CSRP2: variants seen among roughly 807,000 people sequenced by gnomAD.
CSRP2 encodes the protein cysteine and glycine rich protein 2, also known as cysteine and glycine-rich protein 2.
Under a neutral mutation model 24.6 loss-of-function variants are expected in CSRP2, and 18 were observed. The ratio of observed to expected loss-of-function variants is 0.73; its 90% CI spans 0.51 to 1.09. CSRP2 has a LOEUF of 1.09. Among genes scored for constraint, CSRP2 ranks in the 50% least tolerant of loss-of-function variants. CSRP2 has a pLI of 0.00. For missense variants in CSRP2, 215 were observed against 239.4 expected (o/e 0.90, Z 0.67); for synonymous variants, 87 against 84.3 (o/e 1.03, Z -0.18).
intron 1 of CSRP2, among the ~76,000 whole-genome samples, chr12:76,868,424 T>G (rs960237807): frequency 4.0e-5 from 6 of 151,642 alleles, no homozygotes; most frequent in African/African-American, 7.3e-5. Context: ...TCTCACAAGA[T>G]CTGATGGTTT....
intron 4 of CSRP2, 144 bp from the exon 5 acceptor site, chr12:76,859,784 C>G (rs1953657282): frequency 1.6e-6 from 1 of 615,752 alleles, no homozygotes. Flanking sequence ...AAGGCTGAAA[C>G]CAGTCCTCAG....
intron 1 of CSRP2, among the ~76,000 whole-genome samples, chr12:76,873,932 G>T (rs570441135): frequency 6.6e-6 from 1 of 152,152 alleles, no homozygotes; most frequent in African/African-American, 2.4e-5. Flanking sequence ...TGTTTATGAA[G>T]CTCTCATATA....
intron 1 of CSRP2, among the ~76,000 whole-genome samples, chr12:76,877,962 C>A (rs1400669995): frequency 8.9e-6 from 1 of 112,834 alleles, no homozygotes; most frequent in Non-Finnish European, 1.9e-5. Flanking sequence ...TGCCCCCGCC[C>A]CACCCCCCCA....
intron 1 of CSRP2, among the ~76,000 whole-genome samples, chr12:76,871,506 C>G (rs191565390): frequency 6.6e-6 from 1 of 152,178 alleles, no homozygotes; most frequent in Non-Finnish European, 1.5e-5. Context: ...TGCGGTGGCT[C>G]ACGCCTGTAA....
chr12:76,874,495 TAAAGTACCTGGCAAAGA>T lies in CSRP2; in HGVS notation c.-2+4426_-2+4442del, dbSNP rs141941119. ...TAAAGATTTAATGAGATAAAGTTTG[TAAAGTACCTGGCAAAGA>T]GCCTGTACTCCACAAATGGGCGGGC... On this transcript the variant is annotated intron_variant, in intron 1 of 5. Coordinates refer to ENST00000311083, the MANE Select transcript of CSRP2 (RefSeq NM_001321.3). Among the ~76,000 whole-genome samples, 546 of 152,334 alleles carry T rather than the reference TAAAGTACCTGGCAAAGA, an allele frequency of 3.6e-3. 2 individuals carry two copies. The highest frequency in any genetic ancestry group is 0.012 in the African/African-American group (517 of 41,582).
At position 76,863,265 on chromosome 12, in the gene CSRP2, C is replaced by T. The variant is rs765752104; in HGVS notation, c.192G>A (p.Lys64=). Residue 64 remains lysine (K), a synonymous_variant, in exon 3 of 6, where the codon AAG becomes AAA. Coordinates refer to ENST00000311083, the MANE Select transcript of CSRP2 (RefSeq NM_001321.3). ...EEIYCKSCYG[K]KYGPKGYGYG... ...AACCGTAGCCTTTTGGCCCATACTT[C>T]TTTCCGTAGCAGGATTTGCAGTAGA... 8 of 1,614,244 alleles carry T rather than the reference C, an allele frequency of 5.0e-6. 1 individual carries two copies. The South Asian group carries it at 7.7e-5, about 16-fold the overall frequency.
In CSRP2 at chr12:76,859,617, T is replaced by A. The variant is rs1407783241; in HGVS notation, c.435A>T (p.Arg145=). 1.2e-6 allele frequency: 2 copies of A among 1,612,324 alleles called. No individual in the cohort carries two copies. Among genetic ancestry groups the A allele is most frequent in the African/African-American group, 1.3e-5 (1 of 74,852 alleles). ...AGKPWHKNCF[R]CAKCGKSLES... ...CAAGACTCTTCCCACACTTTGCACA[T>A]CGGAAACAGTTTTTGTGCCAGGGCT... Residue 145 remains arginine, a synonymous_variant, in exon 5 of 6, where the codon CGA becomes CGT. Transcript: ENST00000311083.
chr12:76,867,954 T>G (rs190333243), intron 1 of CSRP2, among the ~76,000 whole-genome samples: 33 of 152,290 alleles, frequency 2.2e-4, no homozygotes, highest in Non-Finnish European at 4.1e-4. Flanking sequence ...GAAAGATTAA[T>G]GGAGTTGATC....
intron 1 of CSRP2, chr12:76,878,139 G>GCCCGCC: frequency 6.7e-6 from 1 of 150,172 alleles, no homozygotes; most frequent in Non-Finnish European, 1.5e-5. Context: ...GGTTTAGAAA[G>GCCCGCC]CCCGCCCCCG....
chr12:76,863,530 T>C, intron 2 of CSRP2, 186 bp from the exon 3 acceptor site: 3 of 526,518 alleles, frequency 5.7e-6, no homozygotes, highest in Non-Finnish European at 1.0e-5. Context: ...TCGAGGATTA[T>C]TTACATTCCT....
intron 4 of CSRP2, 89 bp from the exon 5 acceptor site, chr12:76,859,729 C>A: frequency 4.4e-6 from 4 of 913,696 alleles, no homozygotes; most frequent in Non-Finnish European, 6.7e-6. Context: ...TCAGGATGAT[C>A]ATCTCAAAGC....
At position 76,861,367 on chromosome 12, in the gene CSRP2, T is replaced by TATA. The variant is rs1491122023; in HGVS notation, c.282-955_282-954insTAT. ...CCCTGTCTATATATATATATATATA[T>TATA]TTTTTTTTTTTTTTAAAAAAAGGAG... On this transcript the variant is annotated intron_variant, in intron 3 of 5. Transcript: ENST00000311083. The TATA allele has an allele frequency of 2.4e-3, 135 of 56,582 alleles. 1 individual carries two copies. Among genetic ancestry groups the TATA allele is most frequent in the African/African-American group, 3.5e-3 (64 of 18,248 alleles). 3.5% of individuals were successfully genotyped at this position (56,582 alleles called of 1,614,324 possible).
chr12:76,874,750 C>T (rs921123575), intron 1 of CSRP2, among the ~76,000 whole-genome samples: 1 of 152,070 alleles, frequency 6.6e-6, no homozygotes, highest in South Asian at 2.1e-4. Flanking sequence ...CCTGTCAGAT[C>T]GGCAGAGGCA....
intron 5 of CSRP2, 85 bp from the exon 6 acceptor site, chr12:76,859,113 A>G: frequency 9.0e-7 from 1 of 1,105,618 alleles, no homozygotes. Flanking sequence ...ACAAACCCCC[A>G]TAAATTAAAC....
In CSRP2 at chr12:76,863,261, A is replaced by T. The variant is rs763610169; in HGVS notation, c.196T>A (p.Tyr66Asn). 9 of 1,614,032 alleles carry T rather than the reference A, an allele frequency of 5.6e-6. No individual in the cohort carries two copies. In the African/African-American group the frequency reaches 1.1e-4, roughly 19 times the overall value. Residue 66 changes from tyrosine to asparagine, a missense_variant, in exon 3 of 6, where the codon TAT becomes AAT. Coordinates refer to ENST00000311083, the MANE Select transcript of CSRP2 (RefSeq NM_001321.3). The stretch of plus-strand genomic sequence containing the variant: ...CCATAACCGTAGCCTTTTGGCCCAT[A>T]CTTCTTTCCGTAGCAGGATTTGCAG... ...IYCKSCYGKK[Y>N]GPKGYGYGQG...
chr12:76,875,815 T>TCATTTAATCCTCATAACAACTAAAGTAAG (rs1953846449), intron 1 of CSRP2, among the ~76,000 whole-genome samples: 3 of 152,360 alleles, frequency 2.0e-5, no homozygotes, highest in Admixed American at 6.5e-5. Context: ...TTATATTACC[T>TCATTTAATCCTCATAACAACTAAAGTAAG]CATTTAATCC....
Position 76,860,289 on chromosome 12 carries a change from C to G in CSRP2, c.406G>C (p.Gly136Arg), listed in dbSNP as rs1953662185. 6.2e-7 allele frequency: 1 copy of G among 1,613,414 alleles called. No individual in the cohort carries two copies. Among genetic ancestry groups the G allele is most frequent in the Non-Finnish European group, 8.5e-7 (1 of 1,179,652 alleles). ...AATTCCAAATAGCACTTTACCTTTC[C>G]AGCTCCAATTATCTTCTCGGCAGCA... ...VYAAEKIIGA[G>R]KPWHKNCFRC... Residue 136 changes from glycine to arginine, a missense_variant, in exon 4 of 6, where the codon GGA becomes CGA. Coordinates refer to ENST00000311083, the MANE Select transcript of CSRP2 (RefSeq NM_001321.3).
intron 1 of CSRP2, among the ~76,000 whole-genome samples, chr12:76,870,194 A>T (rs1953783068): frequency 6.6e-6 from 1 of 152,180 alleles, no homozygotes; most frequent in Non-Finnish European, 1.5e-5. Context: ...ACACATATTT[A>T]CTTTGGAGCA....
rs73129326 is a variant in CSRP2, at chr12:76,875,385, G to T, written c.-2+3553C>A. Reference sequence around the variant, plus strand: ...TGCTACCACTCGTGTCTTCAACTTAGAGTGCAGCAAAATTCGACACAGATT... The same window carrying T: ...TGCTACCACTCGTGTCTTCAACTTATAGTGCAGCAAAATTCGACACAGATT... On this transcript the variant is annotated intron_variant, in intron 1 of 5. Transcript: ENST00000311083. 8.7e-3 allele frequency among the ~76,000 whole-genome samples: 1,324 copies of T among 152,206 alleles called. 12 individuals carry two copies. The highest frequency in any genetic ancestry group is 0.014 in the Non-Finnish European group (929 of 68,010).
Sources: gnomAD v4.1 joint callset for allele counts (sites outside exome capture counted in the v4.1 genomes callset) on GRCh38, gnomAD v4.1.1 for gene constraint, MANE v1.5 for transcripts, NCBI Gene and HGNC (gene_info 2026-07-23, HGNC 2026-07-21) for gene names.